The following BTRC variants were observed in gnomAD, a reference collection of about 807,000 sequenced individuals.
BTRC encodes beta-transducin repeat containing E3 ubiquitin protein ligase.
A neutral mutation model predicts 85.5 loss-of-function variants in BTRC; 42 were observed. The observed-to-expected ratio is 0.49, with a 90% CI of 0.38 to 0.64. The LOEUF (loss-of-function observed/expected upper bound fraction) is 0.64. Among genes scored for constraint, BTRC ranks in the 30% least tolerant of loss-of-function variants. The probability of loss-of-function intolerance (pLI) is 0.00; values close to 1 mark genes in which losing one functional copy is unlikely to be tolerated. For missense variants in BTRC, 594 were observed against 743.5 expected (o/e 0.80, Z 2.34); for synonymous variants, 255 against 263.3 (o/e 0.97, Z 0.30).
intron 4 of BTRC, among the ~76,000 whole-genome samples, chr10:101,482,236 G>A (rs1194912522): frequency 6.6e-6 from 1 of 152,022 alleles, no homozygotes; most frequent in Non-Finnish European, 1.5e-5. Flanking sequence ...GGCCAGGCTG[G>A]TCTCGAGCTT....
At chr10:101,395,945 T>A (rs1375431388) in intron 1 of BTRC, among the ~76,000 whole-genome samples, 1 of 152,128 alleles carries the variant, frequency 6.6e-6, no homozygotes, top group Non-Finnish European at 1.5e-5. Flanking sequence ...TATATATTCA[T>A]AGGTATTTTT....
intron 4 of BTRC, among the ~76,000 whole-genome samples, chr10:101,520,996 A>G (rs1229641102): frequency 6.6e-6 from 1 of 151,742 alleles, no homozygotes; most frequent in African/African-American, 2.4e-5. Context: ...ACGGAGCACA[A>G]TAGCTCACAC....
At chr10:101,484,952 G>A (rs1945943668) in intron 4 of BTRC, among the ~76,000 whole-genome samples, 1 of 152,192 alleles carries the variant, frequency 6.6e-6, no homozygotes, top group South Asian at 2.1e-4. Flanking sequence ...ATAGACAAGA[G>A]TTTGTGTGTT....
intron 1 of BTRC, among the ~76,000 whole-genome samples, chr10:101,367,090 A>C (rs1942485985): frequency 8.5e-6 from 1 of 117,942 alleles, no homozygotes; most frequent in South Asian, 2.4e-4. Context: ...ATTTTTTTCG[A>C]GCTAGAGTCT....
intron 1 of BTRC, among the ~76,000 whole-genome samples, chr10:101,405,695 T>A (rs1943603050): frequency 1.3e-5 from 2 of 152,238 alleles, no homozygotes; most frequent in Admixed American, 1.3e-4. Context: ...TGTCCATTTC[T>A]TAGTGGTTGC....
In BTRC at chr10:101,550,820, C is replaced by A. The variant is rs775941333; in HGVS notation, c.1778C>A (p.Pro593His). Residue 593 changes from proline to histidine, a missense_variant, in exon 14 of 15, where the codon CCC becomes CAC. Physicochemically the swap from Pro to His is moderately conservative, Grantham distance 77. Transcript: ENST00000370187. Reference protein sequence around the residue: ...LNDPAAQAEPPRSPSRTYTYI... With the variant: ...LNDPAAQAEPHRSPSRTYTYI... ...GATCCAGCTGCCCAAGCTGAACCCC[C>A]CCGTTCCCCTTCTCGAACATACACC... 5 of 1,613,948 alleles carry A rather than the reference C, an allele frequency of 3.1e-6. No homozygotes were observed. Among genetic ancestry groups the A allele is most frequent in the East Asian group, 2.2e-5 (1 of 44,896 alleles).
intron 1 of BTRC, among the ~76,000 whole-genome samples, chr10:101,366,938 T>TAA (rs1564730428): frequency 6.8e-5 from 2 of 29,252 alleles, no homozygotes; most frequent in Admixed American, 7.8e-4. Context: ...TTATATATAT[T>TAA]TATATATATT....
chr10:101,376,933 A>G (rs567398541), intron 1 of BTRC, among the ~76,000 whole-genome samples: 15 of 152,108 alleles, frequency 9.9e-5, no homozygotes, highest in Admixed American at 7.9e-4. Flanking sequence ...TTTGATTCCA[A>G]TTTTTTTAAT....
At chr10:101,475,953 A>ATATATATATATATATATATTTT (rs1265691229) in intron 3 of BTRC, among the ~76,000 whole-genome samples, 4 of 133,806 alleles carry the variant, frequency 3.0e-5, no homozygotes, top group African/African-American at 8.8e-5. Flanking sequence ...ATATATATAT[A>ATATATATATATATATATATTTT]TTCAGTAATT....
At chr10:101,479,600 G>A in intron 4 of BTRC, 143 bp downstream of exon 4, 1 of 553,980 alleles carries the variant, frequency 1.8e-6, no homozygotes, top group Non-Finnish European at 3.0e-6. Flanking sequence ...ATTTTATCTA[G>A]AACAGATTGC....
rs535143732 is a variant in BTRC at position 101,389,773 on chromosome 10, C to T, written c.48+35545C>T. On this transcript the variant is annotated intron_variant, in intron 1 of 14. Coordinates refer to ENST00000370187, the MANE Select transcript of BTRC (RefSeq NM_033637.4). ...TGGAGTATCTGAGACCACAGGTGCA[C>T]GCCACCATGCCTGGCTAATTTTTAA... Among the ~76,000 whole-genome samples, 31 of 151,994 alleles carry T rather than the reference C, an allele frequency of 2.0e-4. No homozygotes were observed. The South Asian group carries it at 3.5e-3, about 17-fold the overall frequency.
chr10:101,393,708 G>C (rs1447117955), intron 1 of BTRC, among the ~76,000 whole-genome samples: 1 of 151,978 alleles, frequency 6.6e-6, no homozygotes, highest in Non-Finnish European at 1.5e-5. Context: ...GAGAGTAGTG[G>C]AAAAACACGA....
At chr10:101,443,751 A>G (rs1433293944) in intron 2 of BTRC, among the ~76,000 whole-genome samples, 2 of 152,174 alleles carry the variant, frequency 1.3e-5, no homozygotes, top group African/African-American at 4.8e-5. Flanking sequence ...TATAATTTGT[A>G]CTTTTTATAT....
chr10:101,469,055 T>C lies in BTRC; in HGVS notation c.234+6997T>C, dbSNP rs561268433. On this transcript the variant is annotated intron_variant, in intron 3 of 14. Coordinates refer to ENST00000370187, the MANE Select transcript of BTRC (RefSeq NM_033637.4). Reference sequence around the variant, plus strand: ...AAGGCATCTTACTAGTTTATGCTTATGTGCTTTATATGCGATATAAAAACG... The same window carrying C: ...AAGGCATCTTACTAGTTTATGCTTACGTGCTTTATATGCGATATAAAAACG... Among the ~76,000 whole-genome samples, 20 of 152,356 alleles carry C rather than the reference T, an allele frequency of 1.3e-4. No homozygotes were observed. The South Asian group carries it at 3.9e-3, about 30-fold the overall frequency.
intron 13 of BTRC, among the ~76,000 whole-genome samples, chr10:101,539,463 G>C (rs1201882439): frequency 2.0e-5 from 3 of 152,048 alleles, no homozygotes; most frequent in African/African-American, 7.2e-5. Flanking sequence ...TATAAGACAG[G>C]GTCTTCCTCT....
chr10:101,410,659 A>C (rs887733697), intron 1 of BTRC, among the ~76,000 whole-genome samples: 1 of 151,910 alleles, frequency 6.6e-6, no homozygotes, highest in Admixed American at 6.6e-5. Flanking sequence ...TGTTGAGAGT[A>C]ATATCTTTTC....
intron 2 of BTRC, among the ~76,000 whole-genome samples, chr10:101,431,202 G>T (rs188031757): frequency 6.3e-4 from 95 of 150,776 alleles, no homozygotes; most frequent in African/African-American, 2.0e-3. Context: ...TCAGCCTCCT[G>T]AGTAGTTGGG....
At chr10:101,477,066 T>A (rs1370719637) in intron 3 of BTRC, among the ~76,000 whole-genome samples, 1 of 152,208 alleles carries the variant, frequency 6.6e-6, no homozygotes, top group African/African-American at 2.4e-5. Flanking sequence ...AGCCTCTGCC[T>A]CCCGGGTTCA....
intron 4 of BTRC, among the ~76,000 whole-genome samples, chr10:101,501,207 T>C (rs1589557736): frequency 6.6e-6 from 1 of 151,618 alleles, no homozygotes; most frequent in East Asian, 1.9e-4. Flanking sequence ...AAAAGAGGTG[T>C]ATGCTTAAAC....
Sources: allele counts gnomAD v4.1 joint callset (sites outside exome capture counted in the v4.1 genomes callset), GRCh38; gene constraint gnomAD v4.1.1; transcripts MANE v1.5; gene names NCBI Gene and HGNC (gene_info 2026-07-23, HGNC 2026-07-21).